Variants in ERCC6L2 observed in about 807,000 individuals in gnomAD.
ERCC6L2 encodes the protein DNA excision repair protein ERCC-6-like 2.
In ERCC6L2, 77 loss-of-function variants were observed where a neutral mutation model predicts 132.0. The ratio of observed to expected loss-of-function variants is 0.58; its 90% CI spans 0.49 to 0.71. The LOEUF (loss-of-function observed/expected upper bound fraction) is 0.71, where lower values mean the gene tolerates loss of function less well. ERCC6L2 is among the 30% of genes least tolerant of loss of function. ERCC6L2 has a pLI of 0.00. For missense variants in ERCC6L2, 1,542 were observed against 1,837.6 expected (o/e 0.84, Z 2.94); for synonymous variants, 583 against 632.4 (o/e 0.92, Z 1.17).
chr9:95,892,322 T>C (rs1042129626), intron 2 of ERCC6L2, among the ~76,000 whole-genome samples: 1 of 152,048 alleles, frequency 6.6e-6, no homozygotes, highest in Non-Finnish European at 1.5e-5. Flanking sequence ...TTGCCTATTT[T>C]AGGAAATAGC....
intron 13 of ERCC6L2, among the ~76,000 whole-genome samples, chr9:95,957,887 T>A (rs1005140276): frequency 9.2e-5 from 14 of 151,848 alleles, no homozygotes; most frequent in Admixed American, 2.0e-4. Context: ...TTTTTTTTTT[T>A]AAATTATACT....
intron 1 of ERCC6L2, among the ~76,000 whole-genome samples, chr9:95,879,541 A>G (rs961980337): frequency 1.3e-5 from 2 of 152,160 alleles, no homozygotes; most frequent in Admixed American, 1.3e-4. Flanking sequence ...ATGTTGTTCT[A>G]CTTGTACAGT....
intron 17 of ERCC6L2, among the ~76,000 whole-genome samples, chr9:95,986,664 T>C (rs1385350165): frequency 2.0e-5 from 3 of 151,968 alleles, no homozygotes; most frequent in Non-Finnish European, 2.9e-5. Context: ...AGCTGGCTAA[T>C]TTTTGTATTT....
intron 19 of ERCC6L2, among the ~76,000 whole-genome samples, chr9:96,035,616 A>G (rs536650079): frequency 6.6e-6 from 1 of 152,306 alleles, no homozygotes; most frequent in Admixed American, 6.5e-5. Context: ...CTGCCTGCCT[A>G]CAGAGGGGAG....
At chr9:96,004,757 C>G in intron 18 of ERCC6L2, 56 bp downstream of exon 18, 1 of 1,105,162 alleles carries the variant, frequency 9.0e-7, no homozygotes, top group South Asian at 1.4e-5. Flanking sequence ...GGAAATGTAG[C>G]TCATTAGTAA....
chr9:95,926,512 G>T (rs1016107130), intron 9 of ERCC6L2, among the ~76,000 whole-genome samples: 1 of 152,144 alleles, frequency 6.6e-6, no homozygotes, highest in Admixed American at 6.6e-5. Context: ...ATTGCTGAGT[G>T]AAGGAAACCA....
At position 95,928,719 on chromosome 9, in the gene ERCC6L2, T is replaced by C; in HGVS notation, c.1606T>C (p.Leu536=). The part of the protein sequence containing the change: ...KVLLFSFSTK[L]LDVLQQYCMA... ...GCCCATCTTCATACCTCTCGTCTAG[T>C]TGCTTGACGTGCTACAGCAGTACTG... Residue 536 remains leucine (L), a splice_region_variant and synonymous_variant, in exon 11 of 19, where the codon TTG becomes CTG. Coordinates refer to ENST00000653738, the MANE Select transcript of ERCC6L2 (RefSeq NM_020207.7). 6.3e-7 allele frequency: 1 copy of C among 1,596,678 alleles called. No homozygotes were observed. The highest frequency in any genetic ancestry group is 8.5e-7 in the Non-Finnish European group (1 of 1,174,366).
At chr9:96,027,806 T>C (rs1834402222) in intron 19 of ERCC6L2, 2 of 152,322 alleles carry the variant, frequency 1.3e-5, no homozygotes, top group Admixed American at 1.3e-4. Flanking sequence ...CCAAGCCGAC[T>C]CCTCAGCCTT....
At chr9:95,986,255 C>T (rs1204951308) in intron 17 of ERCC6L2, among the ~76,000 whole-genome samples, 1 of 152,178 alleles carries the variant, frequency 6.6e-6, no homozygotes, top group African/African-American at 2.4e-5. Flanking sequence ...TATAGTAAGT[C>T]ACTAAACTAA....
Position 96,013,523 on chromosome 9 carries a change from T to C in ERCC6L2, c.*320T>C, listed in dbSNP as rs1564305387. On this transcript the variant is annotated 3_prime_UTR_variant, in exon 19 of 19. Coordinates refer to ENST00000653738, the MANE Select transcript of ERCC6L2 (RefSeq NM_020207.7). ...ATGTGACACTTGCCCCGGTGAGCAT[T>C]GTTTCCCAGTATGAAAGATGAAGAG... 5.4e-6 allele frequency: 1 copy of C among 184,828 alleles called. No individual in the cohort carries two copies. Among genetic ancestry groups the C allele is most frequent in the Non-Finnish European group, 1.1e-5 (1 of 87,574 alleles). 11.4% of individuals were successfully genotyped at this position (184,828 alleles called of 1,614,324 possible).
rs147535462 is a variant in ERCC6L2, at chr9:95,918,221, C to G, written c.1158+1787C>G. The G allele has an allele frequency of 9.3e-5, 43 of 460,386 alleles. 1 individual carries two copies. Among genetic ancestry groups the G allele is most frequent in the Middle Eastern group, 5.3e-4 (1 of 1,892 alleles). 28.5% of individuals were successfully genotyped at this position (460,386 alleles called of 1,614,324 possible). A position where few individuals can be genotyped will look rare whatever the true frequency, so the allele number is the denominator to read the frequency against. ...AGCCCTGTAGACATGATGAGACAAG[C>G]TGAGATTAAGGTCACCATTGCAGGT... On this transcript the variant is annotated intron_variant, in intron 6 of 18. Coordinates refer to ENST00000653738, the MANE Select transcript of ERCC6L2 (RefSeq NM_020207.7).
At chr9:96,030,866 C>A (rs1205382154) in intron 19 of ERCC6L2, among the ~76,000 whole-genome samples, 1 of 152,200 alleles carries the variant, frequency 6.6e-6, no homozygotes, top group Non-Finnish European at 1.5e-5. Flanking sequence ...GATCCTAAAC[C>A]TTCTGAGCCT....
chr9:95,893,118 T>G (rs1343398194), intron 2 of ERCC6L2, among the ~76,000 whole-genome samples: 1 of 152,232 alleles, frequency 6.6e-6, no homozygotes, highest in Admixed American at 6.5e-5. Flanking sequence ...CTTCTTGCAA[T>G]GTACCTAATA....
In ERCC6L2 at chr9:95,916,337, G is replaced by A. The variant is rs1271673696; in HGVS notation, c.1061G>A (p.Arg354Gln). Residue 354 changes from arginine (R) to glutamine (Q), a missense_variant, in exon 6 of 19, where the codon CGA becomes CAA. Transcript: ENST00000653738. ...TATKRELATGRKAMQRLAKKM... is the reference protein window; with the variant it reads ...TATKRELATGQKAMQRLAKKM... ...ACAAAGAGAGAACTAGCCACTGGCC[G>A]AAAGGCCATGCAAAGACTTGCCAAA... The A allele has an allele frequency of 3.1e-6, 5 of 1,613,640 alleles. No individual in the cohort carries two copies. The highest frequency in any genetic ancestry group is 1.7e-5 in the Admixed American group (1 of 59,898).
chr9:95,974,722 T>TTTTG (rs1554756061), intron 16 of ERCC6L2, among the ~76,000 whole-genome samples: 11,747 of 149,734 alleles, frequency 0.078, 536 homozygotes, highest in African/African-American at 0.12. Context: ...GTGGCCAGAT[T>TTTTG]TGTGTGTGTG....
intron 14 of ERCC6L2, 129 bp from the exon 15 acceptor site, chr9:95,970,447 T>C (rs536441798): frequency 3.6e-6 from 1 of 275,448 alleles, no homozygotes; most frequent in South Asian, 5.3e-5. Flanking sequence ...ACATTAAGAA[T>C]GCTAAAGCAA....
At position 96,012,792 on chromosome 9, in the gene ERCC6L2, AG is replaced by A; in HGVS notation, c.4243del (p.Glu1415AsnfsTer11). On this transcript the variant is annotated frameshift_variant, in exon 19 of 19. Transcript: ENST00000653738. LOFTEE classifies it low-confidence loss of function (END_TRUNC). ...DLTRTGISRK[E>X]PLLKLENKKI... ...TCACAAGAACGGGCATTTCAAGAAA[AG>A]AACCCCTTCTCAAATTGGAAAACAA... 1.0e-5 allele frequency: 14 copies of A among 1,367,632 alleles called. No homozygotes were observed. The highest frequency in any genetic ancestry group is 1.5e-5 in the African/African-American group (1 of 67,882). The allele number at this position is 1,367,632 out of a possible 1,614,324, so 84.7% of individuals were successfully genotyped here.
At chr9:95,930,844 C>G (rs1294455045) in intron 11 of ERCC6L2, among the ~76,000 whole-genome samples, 2 of 152,106 alleles carry the variant, frequency 1.3e-5, no homozygotes, top group Non-Finnish European at 2.9e-5. Flanking sequence ...GTGGTATTAG[C>G]ATTAGCACAC....
chr9:95,937,017 A>T (rs983515650), intron 11 of ERCC6L2, among the ~76,000 whole-genome samples: 2 of 152,146 alleles, frequency 1.3e-5, no homozygotes, highest in African/African-American at 4.8e-5. Flanking sequence ...TTGTTTATAC[A>T]TTCATCTGTT....
Sources: gnomAD v4.1 joint callset for allele counts (sites outside exome capture counted in the v4.1 genomes callset) on GRCh38, gnomAD v4.1.1 for gene constraint, MANE v1.5 for transcripts, NCBI Gene and HGNC (gene_info 2026-07-23, HGNC 2026-07-21) for gene names.